CELA1: variants seen among roughly 807,000 people sequenced by gnomAD.
CELA1 encodes chymotrypsin-like elastase family member 1.
A neutral mutation model predicts 34.8 loss-of-function variants in CELA1; 28 were observed. That is an observed-to-expected ratio of 0.80 (90% CI 0.60 to 1.10). The LOEUF is 1.10. Ranked by LOEUF, CELA1 falls within the 50% of genes least tolerant of loss-of-function variation. The pLI is 0.00. For synonymous variants in CELA1, 140 were observed against 129.8 expected (o/e 1.08, Z -0.53); for missense variants, 288 against 327.5 (o/e 0.88, Z 0.93).
At chr12:51,345,058 G>GAGTTTGCA (rs1056340450) in intron 2 of CELA1, among the ~76,000 whole-genome samples, 1 of 151,950 alleles carries the variant, frequency 6.6e-6, no homozygotes, top group Non-Finnish European at 1.5e-5. Flanking sequence ...CCAGGAGGCA[G>GAGTTTGCA]AGTTTGCAGT....
At chr12:51,346,593 C>G (rs745537990) in intron 1 of CELA1, 30 bp downstream of exon 1, 8 of 1,270,608 alleles carry the variant, frequency 6.3e-6, no homozygotes, top group Non-Finnish European at 8.8e-6. Flanking sequence ...CATAAAGGAC[C>G]AGGGTTGCGA....
At chr12:51,342,278 G>A (rs1014292456) in intron 4 of CELA1, among the ~76,000 whole-genome samples, 1 of 151,930 alleles carries the variant, frequency 6.6e-6, no homozygotes, top group African/African-American at 2.4e-5. Context: ...CAGGTGATCC[G>A]CCTGCCTTGG....
chr12:51,339,833 G>C lies in CELA1; in HGVS notation c.609+27C>G, dbSNP rs377362726. ...GGATAGGCAGAGAGTGGCGGGACCT[G>C]GGGTGGGACCCCCTGCAAATGTTCA... On this transcript the variant is annotated intron_variant, in intron 6 of 7. Coordinates refer to ENST00000293636, the MANE Select transcript of CELA1 (RefSeq NM_001971.6). The C allele has an allele frequency of 2.5e-6, 4 of 1,586,206 alleles. No homozygotes were observed. In the South Asian group the frequency reaches 4.7e-5, roughly 19 times the overall value.
Position 51,339,799 on chromosome 12 carries a change from G to GGGGTGGAGGGATAGGCAGA in CELA1, c.609+42_609+60dup. The GGGGTGGAGGGATAGGCAGA allele has an allele frequency of 9.0e-6, 14 of 1,555,060 alleles. No individual in the cohort carries two copies. The South Asian group carries it at 1.6e-4, about 18-fold the overall frequency. ...GTGTCGAATAGGGAGGTGAGGAAGA[G>GGGGTGGAGGGATAGGCAGA]GGGTGGAGGGATAGGCAGAGAGTGG... On this transcript the variant is annotated intron_variant, in intron 6 of 7. Transcript: ENST00000293636.
At chr12:51,337,617 TATTTATGGGCACTGAA>T (rs1472183464) in intron 6 of CELA1, among the ~76,000 whole-genome samples, 2 of 151,694 alleles carry the variant, frequency 1.3e-5, no homozygotes, top group Non-Finnish European at 2.9e-5. Context: ...AGTGAAATGT[TATTTATGGGCACTGAA>T]ATTTTATATA....
At chr12:51,345,322 C>G (rs1240728086) in intron 2 of CELA1, among the ~76,000 whole-genome samples, 1 of 152,220 alleles carries the variant, frequency 6.6e-6, no homozygotes, top group Non-Finnish European at 1.5e-5. Flanking sequence ...ATTTAGATCA[C>G]TTAAATCAGG....
chr12:51,341,235 G>T lies in CELA1; in HGVS notation c.463+9C>A, dbSNP rs747666171. 5.0e-6 allele frequency: 8 copies of T among 1,613,914 alleles called. No homozygotes were observed. Among genetic ancestry groups the T allele is most frequent in the Middle Eastern group, 1.6e-4 (1 of 6,062 alleles). On this transcript the variant is annotated intron_variant, in intron 5 of 7. Transcript: ENST00000293636. ...CCCGTGGTGGATTGTGCCAATGTAG[G>T]CAACTTACTCTTGGTCTTGCCCCAG... is the stretch of plus-strand genomic sequence containing the variant.
intron 6 of CELA1, among the ~76,000 whole-genome samples, chr12:51,333,544 C>T (rs1946484046): frequency 6.6e-6 from 1 of 151,956 alleles, no homozygotes; most frequent in African/African-American, 2.4e-5. Flanking sequence ...CAGTGTGCGC[C>T]ACCTCGCCCG....
At chr12:51,328,882 T>A (rs931932152) in intron 7 of CELA1, among the ~76,000 whole-genome samples, 3 of 152,152 alleles carry the variant, frequency 2.0e-5, no homozygotes, top group African/African-American at 7.2e-5. Context: ...GTGAAATGTG[T>A]TGTGTGGCCT....
intron 6 of CELA1, among the ~76,000 whole-genome samples, chr12:51,334,693 C>T (rs1946491310): frequency 6.6e-6 from 1 of 152,256 alleles, no homozygotes. Context: ...CTTGGCCTCC[C>T]AAAGTGCTGG....
chr12:51,330,708 T>C (rs1592294774), intron 6 of CELA1, among the ~76,000 whole-genome samples: 1 of 152,210 alleles, frequency 6.6e-6, no homozygotes, highest in East Asian at 1.9e-4. Flanking sequence ...CAGTGACTCA[T>C]GCCTGTAATC....
Position 51,343,807 on chromosome 12 carries a change from C to T in CELA1, c.146G>A (p.Gly49Glu), listed in dbSNP as rs760068776. Reference sequence around the variant, plus strand: ...CCAGTTCTGTCTGATAAGGGTCCCTCCACAGGTGTGATACCGGGAACCTCC... The same window carrying T: ...CCAGTTCTGTCTGATAAGGGTCCCTTCACAGGTGTGATACCGGGAACCTCC... ...RSGGSRYHTC[G>E]GTLIRQNWVM... Residue 49 changes from glycine to glutamate, a missense_variant, in exon 3 of 8, where the codon GGA becomes GAA. Gly to Glu is a moderately conservative substitution (Grantham distance 98). Transcript: ENST00000293636. 3.7e-6 allele frequency: 6 copies of T among 1,611,232 alleles called. No homozygotes were observed. The highest frequency in any genetic ancestry group is 5.1e-6 in the Non-Finnish European group (6 of 1,178,038).
At chr12:51,333,305 G>A (rs1946481638) in intron 6 of CELA1, among the ~76,000 whole-genome samples, 1 of 151,910 alleles carries the variant, frequency 6.6e-6, no homozygotes, top group South Asian at 2.1e-4. Flanking sequence ...TGTTGGTCAG[G>A]CTGGTCTTGA....
chr12:51,341,478 T>C (rs1946534992), intron 4 of CELA1, 98 bp from the exon 5 acceptor site: 2 of 1,398,806 alleles, frequency 1.4e-6, no homozygotes, highest in South Asian at 2.5e-5. Flanking sequence ...CCCCGTGGAA[T>C]TGGAAAGTGA....
intron 1 of CELA1, 127 bp downstream of exon 1, chr12:51,346,496 G>T (rs17860283): frequency 1.2e-6 from 1 of 829,010 alleles, no homozygotes; most frequent in Admixed American, 2.3e-5. Context: ...CCTGGGACAG[G>T]GTGCTGGCCT....
In CELA1 at chr12:51,342,449, G is replaced by C. The variant is rs910458779; in HGVS notation, c.326+126C>G. 2.5e-5 allele frequency: 35 copies of C among 1,375,800 alleles called. No homozygotes were observed. The South Asian group carries it at 4.2e-4, about 16-fold the overall frequency. The allele number at this position is 1,375,800 out of a possible 1,614,324, so 85.2% of individuals were successfully genotyped here. On this transcript the variant is annotated intron_variant, in intron 4 of 7. Coordinates refer to ENST00000293636, the MANE Select transcript of CELA1 (RefSeq NM_001971.6). The stretch of plus-strand genomic sequence containing the variant: ...GCTCCTTAACTAAAGGCCAGGCCAG[G>C]AGCCACGGACCAGGTTTCAGGCCAT...
Position 51,346,630 on chromosome 12 carries a change from GAC to G in CELA1, c.7_8del (p.Val3ProfsTer21), listed in dbSNP as rs1491233894. 2.0e-5 allele frequency: 30 copies of G among 1,491,864 alleles called. No homozygotes were observed. Among genetic ancestry groups the G allele is most frequent in the Non-Finnish European group, 2.4e-5 (27 of 1,115,446 alleles). The allele number at this position is 1,491,864 out of a possible 1,614,324, so 92.4% of individuals were successfully genotyped here. On this transcript the variant is annotated frameshift_variant, in exon 1 of 8. Coordinates refer to ENST00000293636, the MANE Select transcript of CELA1 (RefSeq NM_001971.6). LOFTEE classifies it high-confidence loss of function. ...TGGACCATATCCACTTACCATAAAG[GAC>G]CAGCATGTTGCCGATGGAGTAGACC... ML[V>X]LYGHSTQDLP...
At chr12:51,334,319 C>T (rs751435966) in intron 6 of CELA1, among the ~76,000 whole-genome samples, 1 of 152,136 alleles carries the variant, frequency 6.6e-6, no homozygotes, top group Non-Finnish European at 1.5e-5. Context: ...CATGTAGAGT[C>T]CCTGGGATAC....
At chr12:51,328,993 A>G (rs1439449500) in intron 7 of CELA1, among the ~76,000 whole-genome samples, 1 of 152,080 alleles carries the variant, frequency 6.6e-6, no homozygotes, top group East Asian at 2.0e-4. Context: ...GCTGTGGCTC[A>G]TGCCTGTAAT....
Sources: allele counts gnomAD v4.1 joint callset (sites outside exome capture counted in the v4.1 genomes callset), GRCh38; gene constraint gnomAD v4.1.1; transcripts MANE v1.5; gene names NCBI Gene and HGNC (gene_info 2026-07-23, HGNC 2026-07-21).